Variants in FHIT observed in about 807,000 individuals in gnomAD.
FHIT encodes bis(5'-adenosyl)-triphosphatase.
FHIT carries 19 observed loss-of-function variants against 17.9 expected under a neutral mutation model. The observed-to-expected ratio is 1.06, with a 90% CI of 0.74 to 1.56. The LOEUF (loss-of-function observed/expected upper bound fraction) is 1.56, where lower values mean the gene tolerates loss of function less well. Ranked by LOEUF, FHIT falls within the 40% of genes most tolerant of loss-of-function variation. The pLI is 0.00. For synonymous variants in FHIT, 81 were observed against 69.7 expected (o/e 1.16, Z -0.81); for missense variants, 248 against 189.2 (o/e 1.31, Z -1.82).
intron 5 of FHIT, among the ~76,000 whole-genome samples, chr3:60,121,367 C>G (rs538502207): frequency 2.8e-4 from 43 of 152,138 alleles, no homozygotes; most frequent in African/African-American, 8.9e-4. Flanking sequence ...GTTTCAGTTA[C>G]CTGCAGTCAA....
At chr3:60,979,802 G>A (rs1185570098) in intron 3 of FHIT, among the ~76,000 whole-genome samples, 1 of 152,200 alleles carries the variant, frequency 6.6e-6, no homozygotes, top group Non-Finnish European at 1.5e-5. Flanking sequence ...CCTGCAAGCT[G>A]TGACAGCAGA....
intron 8 of FHIT, among the ~76,000 whole-genome samples, chr3:59,761,021 G>C (rs1701488524): frequency 6.6e-6 from 1 of 152,128 alleles, no homozygotes; most frequent in Non-Finnish European, 1.5e-5. Context: ...CTGAAGAACA[G>C]GAGCCTGGAA....
intron 3 of FHIT, among the ~76,000 whole-genome samples, chr3:60,922,017 G>A (rs1553768524): frequency 6.6e-6 from 1 of 152,192 alleles, no homozygotes. Flanking sequence ...CTGCAGCAGG[G>A]AGATACCTGG....
chr3:59,779,065 T>C (rs753539274), intron 8 of FHIT, among the ~76,000 whole-genome samples: 18 of 152,224 alleles, frequency 1.2e-4, no homozygotes, highest in Non-Finnish European at 1.9e-4. Context: ...TTACTTGTAC[T>C]GATTTAAGTT....
chr3:60,916,643 T>C (rs13097786), intron 3 of FHIT, among the ~76,000 whole-genome samples: 40,488 of 152,124 alleles, frequency 0.27, 5,503 homozygotes, highest in Middle Eastern at 0.34. Flanking sequence ...ATTATCTGCA[T>C]TCTGCAGACA....
intron 7 of FHIT, among the ~76,000 whole-genome samples, chr3:59,947,343 G>A (rs1474906842): frequency 2.6e-5 from 4 of 151,980 alleles, no homozygotes; most frequent in Non-Finnish European, 5.9e-5. Flanking sequence ...GGTATTTCTG[G>A]GGGGTTGGTG....
chr3:60,920,357 CAT>C (rs1378531678), intron 3 of FHIT, among the ~76,000 whole-genome samples: 1 of 152,130 alleles, frequency 6.6e-6, no homozygotes, highest in Non-Finnish European at 1.5e-5. Context: ...CTTAGTATTT[CAT>C]ATGAGTTGTC....
At chr3:61,115,104 CTGT>C (rs2036262643) in intron 2 of FHIT, among the ~76,000 whole-genome samples, 1 of 152,104 alleles carries the variant, frequency 6.6e-6, no homozygotes, top group Non-Finnish European at 1.5e-5. Flanking sequence ...TCAGAAATAA[CTGT>C]TGTTCTAGGT....
At chr3:60,662,530 T>C (rs564500974) in intron 4 of FHIT, among the ~76,000 whole-genome samples, 1 of 152,274 alleles carries the variant, frequency 6.6e-6, no homozygotes, top group African/African-American at 2.4e-5. Context: ...TGGGCTCTTT[T>C]TTGGTTCCAT....
chr3:59,799,401 G>T (rs1699905888), intron 8 of FHIT, among the ~76,000 whole-genome samples: 1 of 130,552 alleles, frequency 7.7e-6, no homozygotes. Context: ...ACGGACGTTT[G>T]GTTTCTCAAG....
chr3:60,608,472 G>C (rs567046406), intron 4 of FHIT, among the ~76,000 whole-genome samples: 1 of 152,282 alleles, frequency 6.6e-6, no homozygotes, highest in South Asian at 2.1e-4. Context: ...ATGTACATAA[G>C]TGTTCACCAG....
At chr3:59,874,031 A>G (rs568478044) in intron 8 of FHIT, among the ~76,000 whole-genome samples, 1 of 152,218 alleles carries the variant, frequency 6.6e-6, no homozygotes, top group Non-Finnish European at 1.5e-5. Context: ...TTCTTTCAGC[A>G]CATGCAGTAC....
In FHIT at chr3:61,111,040, C is replaced by T. The variant is rs529480149; in HGVS notation, c.-163-68941G>A. 1.1e-4 allele frequency among the ~76,000 whole-genome samples: 16 copies of T among 152,286 alleles called. No individual in the cohort carries two copies. In the South Asian group the frequency reaches 2.7e-3, roughly 26 times the overall value. On this transcript the variant is annotated intron_variant, in intron 2 of 9. Coordinates refer to ENST00000492590, the MANE Select transcript of FHIT (RefSeq NM_002012.4). ...ACATTTTATACTGAATTTTTGATAA[C>T]ACACAATTTATTAAAATGCAGCTAT... is the stretch of plus-strand genomic sequence containing the variant.
At chr3:59,864,710 T>C (rs1226029392) in intron 8 of FHIT, among the ~76,000 whole-genome samples, 1 of 151,434 alleles carries the variant, frequency 6.6e-6, no homozygotes, top group Non-Finnish European at 1.5e-5. Context: ...CATTACCCTC[T>C]CTCTGCACAC....
chr3:60,581,041 G>C (rs961888155), intron 4 of FHIT, among the ~76,000 whole-genome samples: 1 of 152,032 alleles, frequency 6.6e-6, no homozygotes. Flanking sequence ...CTGATGCTGC[G>C]GAGTTAGAGA....
At chr3:60,912,881 T>C (rs2107278773) in intron 3 of FHIT, 1 of 445,078 alleles carries the variant, frequency 2.2e-6, no homozygotes, top group Non-Finnish European at 4.3e-6. Context: ...CATCACTGGG[T>C]ACTTCCATGT....
At chr3:60,727,261 G>A (rs782073591) in intron 4 of FHIT, among the ~76,000 whole-genome samples, 4 of 151,972 alleles carry the variant, frequency 2.6e-5, no homozygotes, top group Non-Finnish European at 5.9e-5. Flanking sequence ...TATCAGAAAT[G>A]TTCCAAGTCC....
chr3:60,282,391 A>G (rs1203775889), intron 5 of FHIT, among the ~76,000 whole-genome samples: 1 of 152,180 alleles, frequency 6.6e-6, no homozygotes, highest in East Asian at 1.9e-4. Flanking sequence ...ATTATGGAAA[A>G]GGGAAAACTA....
chr3:59,979,780 G>A (rs954947114), intron 7 of FHIT, among the ~76,000 whole-genome samples: 2 of 152,086 alleles, frequency 1.3e-5, no homozygotes, highest in African/African-American at 4.8e-5. Flanking sequence ...TGTGACAAGA[G>A]TACATGTTTT....
Sources: allele counts gnomAD v4.1 joint callset (sites outside exome capture counted in the v4.1 genomes callset), GRCh38; gene constraint gnomAD v4.1.1; transcripts MANE v1.5; gene names NCBI Gene and HGNC (gene_info 2026-07-23, HGNC 2026-07-21).